TRAK1: variants seen among roughly 807,000 people sequenced by gnomAD.
TRAK1 encodes the protein trafficking kinesin protein 1, also known as trafficking kinesin-binding protein 1.
A neutral mutation model predicts 92.1 loss-of-function variants in TRAK1; 33 were observed. The ratio of observed to expected loss-of-function variants is 0.36; its 90% CI spans 0.27 to 0.48. TRAK1 has a LOEUF of 0.48. Among genes scored for constraint, TRAK1 ranks in the 20% least tolerant of loss-of-function variants. The probability of loss-of-function intolerance (pLI) is 0.99; values close to 1 mark genes in which losing one functional copy is unlikely to be tolerated. For missense variants in TRAK1, 1,123 were observed against 1,257.9 expected (o/e 0.89, Z 1.62); for synonymous variants, 521 against 517.3 (o/e 1.01, Z -0.10).
At chr3:42,123,194 C>G (rs56124276) in intron 1 of TRAK1, among the ~76,000 whole-genome samples, 4 of 152,168 alleles carry the variant, frequency 2.6e-5, no homozygotes, top group Admixed American at 6.5e-5. Context: ...TCTTTTCTCA[C>G]GAATCCGTAT....
Position 42,074,231 on chromosome 3 carries a change from T to G in TRAK1, c.-518-12873T>G, listed in dbSNP as rs77577502. ...CTCTTGTAAAAAGTGGGTGCTGATA[T>G]TACTTTATAGGTTGTAAGCCTTAAA... On this transcript the variant is annotated intron_variant, in intron 1 of 16. Transcript: ENST00000487159. Among the ~76,000 whole-genome samples, 78 of 152,326 alleles carry G rather than the reference T, an allele frequency of 5.1e-4. No individual in the cohort carries two copies. The East Asian group carries it at 0.012, about 24-fold the overall frequency.
chr3:42,161,551 T>G (rs1045037265), intron 2 of TRAK1, among the ~76,000 whole-genome samples: 3 of 152,164 alleles, frequency 2.0e-5, no homozygotes, highest in African/African-American at 7.2e-5. Context: ...GCCCAGCTAA[T>G]TTTTAAAATT....
chr3:42,017,596 TGAA>T (rs1701574267), intron 1 of TRAK1, among the ~76,000 whole-genome samples: 1 of 152,206 alleles, frequency 6.6e-6, no homozygotes, highest in Admixed American at 6.5e-5. Context: ...CAAATTTTAG[TGAA>T]GAGACAGTAA....
intron 12 of TRAK1, among the ~76,000 whole-genome samples, chr3:42,201,884 A>G (rs1707650572): frequency 6.2e-5 from 1 of 16,112 alleles, no homozygotes; most frequent in Non-Finnish European, 1.2e-4. Flanking sequence ...GGACAGACGG[A>G]CACACACACA....
At chr3:42,108,804 T>C in intron 1 of TRAK1, among the ~76,000 whole-genome samples, 1 of 151,566 alleles carries the variant, frequency 6.6e-6, no homozygotes, top group African/African-American at 2.4e-5. Flanking sequence ...AATAGTAAGA[T>C]GAGTCTTGCC....
intron 14 of TRAK1, among the ~76,000 whole-genome samples, chr3:42,214,197 G>T (rs2149522622): frequency 6.6e-6 from 1 of 152,332 alleles, no homozygotes; most frequent in South Asian, 2.1e-4. Context: ...TGCTGAGGAG[G>T]TGTCTGAACC....
chr3:42,149,286 C>T lies in TRAK1; in HGVS notation c.286+23672C>T, dbSNP rs186891711. ...TTATTGGCAGTGCTGCCAGGGTCTC[C>T]GTTAGCTCTCTGCAAATTGCCTTCC... On this transcript the variant is annotated intron_variant, in intron 2 of 15. Transcript: ENST00000327628. The T allele has an allele frequency of 3.8e-4, 522 of 1,390,002 alleles. 4 individuals carry two copies. In the African/African-American group the frequency reaches 6.5e-3, roughly 17 times the overall value. 86.1% of individuals were successfully genotyped at this position (1,390,002 alleles called of 1,614,324 possible). A position where few individuals can be genotyped will look rare whatever the true frequency, so the allele number is the denominator to read the frequency against.
Position 42,223,913 on chromosome 3 carries a change from T to C in TRAK1, c.*176T>C. On this transcript the variant is annotated 3_prime_UTR_variant, in exon 16 of 16. Coordinates refer to ENST00000327628, the MANE Select transcript of TRAK1 (RefSeq NM_001042646.3). This position sits in a 1 kb window ranked among gnomAD's most constrained non-coding sequence, Gnocchi z 6.1. ...GAGGAAGTGTGGAAACTTTGTAAAA[T>C]GTGTACATAGGACTTGGAGACCTTG... is the stretch of plus-strand genomic sequence containing the variant. 1.3e-6 allele frequency: 1 copy of C among 746,204 alleles called. No individual in the cohort carries two copies. The highest frequency in any genetic ancestry group is 2.2e-6 in the Non-Finnish European group (1 of 455,276). 46.2% of individuals were successfully genotyped at this position (746,204 alleles called of 1,614,324 possible).
At chr3:42,058,568 A>C (rs1366963987) in intron 1 of TRAK1, among the ~76,000 whole-genome samples, 1 of 152,046 alleles carries the variant, frequency 6.6e-6, no homozygotes. Context: ...GGTCTTGAAC[A>C]CCTGACCTTG....
intron 1 of TRAK1, among the ~76,000 whole-genome samples, chr3:42,067,555 A>G (rs1452427456): frequency 1.3e-5 from 2 of 152,216 alleles, no homozygotes; most frequent in East Asian, 1.9e-4. Flanking sequence ...ACATGCCTTA[A>G]AACAAAAACT....
chr3:42,135,161 G>A (rs1437867324), intron 2 of TRAK1, among the ~76,000 whole-genome samples: 1 of 152,070 alleles, frequency 6.6e-6, no homozygotes, highest in African/African-American at 2.4e-5. Flanking sequence ...TTCAGAACCC[G>A]CCCTTACCTT....
chr3:42,220,780 A>C (rs1271679930), intron 15 of TRAK1, among the ~76,000 whole-genome samples: 3 of 152,210 alleles, frequency 2.0e-5, no homozygotes, highest in Non-Finnish European at 4.4e-5. Context: ...GAGTGCCAGC[A>C]CTAATAAAGG....
Position 42,183,531 on chromosome 3 carries a change from G to T in TRAK1, c.364-1154G>T, listed in dbSNP as rs190485426. On this transcript the variant is annotated intron_variant, in intron 3 of 15. Coordinates refer to ENST00000327628, the MANE Select transcript of TRAK1 (RefSeq NM_001042646.3). ...AGATCGTGCTACTGTATCCAACCTG[G>T]GTGACAGAGTGAGACTCTGTCTAAA... 6.4e-3 allele frequency among the ~76,000 whole-genome samples: 949 copies of T among 147,250 alleles called. 7 individuals carry two copies. Among genetic ancestry groups the T allele is most frequent in the Non-Finnish European group, 0.01 (685 of 67,394 alleles).
intron 1 of TRAK1, among the ~76,000 whole-genome samples, chr3:42,031,033 A>ATTTTT (rs569209653): frequency 2.1e-5 from 2 of 95,438 alleles, no homozygotes; most frequent in African/African-American, 7.1e-5. Flanking sequence ...AGCTATTTGA[A>ATTTTT]TTTTTTTTTT....
At position 42,218,769 on chromosome 3, in the gene TRAK1, T is replaced by C. The variant is rs1002324105; in HGVS notation, c.1964-725T>C. The C allele has an allele frequency of 3.0e-6, 3 of 985,338 alleles. No individual in the cohort carries two copies. The South Asian group carries it at 1.4e-4, about 46-fold the overall frequency. 61.0% of individuals were successfully genotyped at this position (985,338 alleles called of 1,614,324 possible). A position where few individuals can be genotyped will look rare whatever the true frequency, so the allele number is the denominator to read the frequency against. ...TCCCATTTTCATTAGAAATCAGACA[T>C]CTTAGAGATGTCAAGAAAGCAGCTA... On this transcript the variant is annotated intron_variant, in intron 14 of 15. Transcript: ENST00000327628.
intron 2 of TRAK1, among the ~76,000 whole-genome samples, chr3:42,163,669 C>G (rs1421418061): frequency 2.6e-5 from 4 of 152,050 alleles, no homozygotes; most frequent in Non-Finnish European, 5.9e-5. Flanking sequence ...TTTAACACGC[C>G]CTCTGGGTGA....
intron 2 of TRAK1, chr3:42,149,491 G>T: frequency 2.0e-6 from 3 of 1,536,042 alleles, no homozygotes; most frequent in Non-Finnish European, 2.6e-6. Flanking sequence ...ACTTGACGTT[G>T]ATGGTGCTGT....
At chr3:42,027,954 A>G (rs1701983090) in intron 1 of TRAK1, among the ~76,000 whole-genome samples, 4 of 152,072 alleles carry the variant, frequency 2.6e-5, no homozygotes, top group Non-Finnish European at 5.9e-5. Flanking sequence ...AGTTCAAGCC[A>G]TTCTTGTGCC....
chr3:42,118,105 A>G (rs1292280966), intron 1 of TRAK1, among the ~76,000 whole-genome samples: 6 of 151,630 alleles, frequency 4.0e-5, no homozygotes, highest in Admixed American at 3.9e-4. Flanking sequence ...TTGTTTTTAG[A>G]GGGAGTTTCA....
Sources: gnomAD v4.1 joint callset for allele counts (sites outside exome capture counted in the v4.1 genomes callset) on GRCh38, gnomAD v4.1.1 for gene constraint, Gnocchi (gnomAD v3.1) non-coding constraint, MANE v1.5 for transcripts, NCBI Gene and HGNC (gene_info 2026-07-23, HGNC 2026-07-21) for gene names.